The following PDZD2 variants were observed in gnomAD, a reference collection of about 807,000 sequenced individuals.
PDZD2 encodes PDZ domain containing 2.
In PDZD2, 90 loss-of-function variants were observed where a neutral mutation model predicts 220.7. That is an observed-to-expected ratio of 0.41 (90% CI 0.34 to 0.49). The LOEUF is 0.49. Among genes scored for constraint, PDZD2 ranks in the 20% least tolerant of loss-of-function variants. PDZD2 has a pLI of 0.28. For missense variants in PDZD2, 3,174 were observed against 3,608.5 expected (o/e 0.88, Z 3.08); for synonymous variants, 1,375 against 1,450.5 (o/e 0.95, Z 1.18).
intron 2 of PDZD2, among the ~76,000 whole-genome samples, chr5:31,855,519 A>C (rs1007783397): frequency 6.6e-6 from 1 of 152,222 alleles, no homozygotes; most frequent in African/African-American, 2.4e-5. Flanking sequence ...CGGCGGTTTC[A>C]GAACCTTGGG....
intron 23 of PDZD2, chr5:32,100,868 C>T (rs1416421930): frequency 1.3e-6 from 2 of 1,562,734 alleles, no homozygotes; most frequent in African/African-American, 1.3e-5. Context: ...GCAGAAAACA[C>T]AGAACAAAGG....
At chr5:32,036,698 A>G (rs919350460) in intron 6 of PDZD2, among the ~76,000 whole-genome samples, 2 of 152,242 alleles carry the variant, frequency 1.3e-5, no homozygotes, top group African/African-American at 4.8e-5. Context: ...CATAGCACAC[A>G]GAACATTTGG....
At chr5:32,061,679 G>A (rs1450406806) in intron 14 of PDZD2, among the ~76,000 whole-genome samples, 4 of 152,146 alleles carry the variant, frequency 2.6e-5, no homozygotes, top group Non-Finnish European at 5.9e-5. Flanking sequence ...TTGGGAGGCC[G>A]AAGCAGGAGG....
intron 1 of PDZD2, among the ~76,000 whole-genome samples, chr5:31,675,367 C>T (rs1237915798): frequency 6.6e-6 from 1 of 152,130 alleles, no homozygotes; most frequent in Non-Finnish European, 1.5e-5. Context: ...GCTGGCCATG[C>T]CCACCAGCAG....
At chr5:31,862,656 G>A (rs1039575127) in intron 2 of PDZD2, among the ~76,000 whole-genome samples, 15 of 151,578 alleles carry the variant, frequency 9.9e-5, no homozygotes, top group African/African-American at 3.1e-4. Flanking sequence ...TGCCTCCCAG[G>A]TTCAAGCAAT....
At chr5:31,952,141 A>G (rs1747235141) in intron 2 of PDZD2, among the ~76,000 whole-genome samples, 1 of 151,986 alleles carries the variant, frequency 6.6e-6, no homozygotes, top group Non-Finnish European at 1.5e-5. Context: ...CCAGAATTAA[A>G]CTCTTTTTAA....
intron 5 of PDZD2, among the ~76,000 whole-genome samples, chr5:32,004,356 G>A (rs959361331): frequency 2.0e-5 from 3 of 152,184 alleles, no homozygotes; most frequent in African/African-American, 7.2e-5. Flanking sequence ...GGAGGCTAAG[G>A]AGGAGGATTT....
chr5:32,029,216 C>A (rs1047808972), intron 6 of PDZD2, among the ~76,000 whole-genome samples: 1 of 151,156 alleles, frequency 6.6e-6, no homozygotes, highest in Non-Finnish European at 1.5e-5. Flanking sequence ...ATTGTCCCCA[C>A]GCCCTTAACA....
In PDZD2 at chr5:32,000,039, A is replaced by T; in HGVS notation, c.1122-100A>T. ...ACAGTATCCTCTTTAGCCCAATCTT[A>T]ACCGTCCCTCCTCACAACCCTCCCT... is the stretch of plus-strand genomic sequence containing the variant. On this transcript the variant is annotated intron_variant, in intron 4 of 24. Coordinates refer to ENST00000438447, the MANE Select transcript of PDZD2 (RefSeq NM_178140.4). This position sits in a 1 kb window ranked among gnomAD's most constrained non-coding sequence, Gnocchi z 4.5. The T allele has an allele frequency of 2.0e-6, 2 of 1,008,984 alleles. No homozygotes were observed. Among genetic ancestry groups the T allele is most frequent in the Non-Finnish European group, 3.0e-6 (2 of 666,256 alleles). 62.5% of individuals were successfully genotyped at this position (1,008,984 alleles called of 1,614,324 possible). A position where few individuals can be genotyped will look rare whatever the true frequency, so the allele number is the denominator to read the frequency against.
At chr5:31,766,424 G>C (rs1453895294) in intron 1 of PDZD2, among the ~76,000 whole-genome samples, 2 of 151,890 alleles carry the variant, frequency 1.3e-5, no homozygotes, top group African/African-American at 2.4e-5. Context: ...CTGCCGCCTA[G>C]GCTGGAGTGC....
intron 2 of PDZD2, among the ~76,000 whole-genome samples, chr5:31,973,180 A>G (rs937876038): frequency 2.0e-5 from 3 of 152,200 alleles, no homozygotes; most frequent in Non-Finnish European, 4.4e-5. Flanking sequence ...CCAAATCTTC[A>G]TGTAAGCTTA....
intron 2 of PDZD2, among the ~76,000 whole-genome samples, chr5:31,973,510 G>A (rs1749489343): frequency 6.6e-6 from 1 of 152,324 alleles, no homozygotes; most frequent in African/African-American, 2.4e-5. Flanking sequence ...TCAGCACAGA[G>A]GGATATTGCA....
chr5:31,882,514 A>T (rs1740020805), intron 2 of PDZD2, among the ~76,000 whole-genome samples: 1 of 152,172 alleles, frequency 6.6e-6, no homozygotes, highest in Non-Finnish European at 1.5e-5. Flanking sequence ...TTCCATGTGG[A>T]TTATTATCCA....
In PDZD2 at chr5:32,074,399, C is replaced by G. The variant is rs138570758; in HGVS notation, c.3293C>G (p.Pro1098Arg). 1.7e-5 allele frequency: 27 copies of G among 1,614,134 alleles called. No individual in the cohort carries two copies. The African/African-American group carries it at 3.5e-4, about 21-fold the overall frequency. Reference sequence around the variant, plus strand: ...ACAGTCCGTACAGACACCCAGAGTCCGACGAACACTGGGAGCCCCAGTTCC... The same window carrying G: ...ACAGTCCGTACAGACACCCAGAGTCGGACGAACACTGGGAGCCCCAGTTCC... ...EYTVRTDTQS[P>R]TNTGSPSSPQ... is the part of the protein sequence containing the mutation. Residue 1098 changes from proline (P) to arginine (R), a missense_variant, in exon 18 of 25, where the codon CCG becomes CGG. Physicochemically the swap from Pro to Arg is moderately radical, Grantham distance 103. Transcript: ENST00000438447.
chr5:31,954,983 G>A (rs2111643265), intron 2 of PDZD2, among the ~76,000 whole-genome samples: 1 of 152,220 alleles, frequency 6.6e-6, no homozygotes, highest in Middle Eastern at 3.4e-3. Context: ...TTTCTCTCAA[G>A]TGCCAAATTG....
chr5:31,766,902 A>G (rs990290542), intron 1 of PDZD2, among the ~76,000 whole-genome samples: 1 of 148,582 alleles, frequency 6.7e-6, no homozygotes, highest in African/African-American at 2.5e-5. Flanking sequence ...TAATTTTTAT[A>G]TTTTTAGTAG....
intron 1 of PDZD2, among the ~76,000 whole-genome samples, chr5:31,689,235 ATGTTTGTGTGTGTG>A (rs1266052965): frequency 3.6e-5 from 4 of 111,092 alleles, no homozygotes; most frequent in Non-Finnish European, 7.1e-5. Context: ...TGCCTGGCTA[ATGTTTGTGTGTGTG>A]TGTGTGTGTG....
chr5:32,072,152 C>T lies in PDZD2; in HGVS notation c.2569-9C>T. 6.3e-7 allele frequency: 1 copy of T among 1,596,660 alleles called. No homozygotes were observed. On this transcript the variant is annotated splice_polypyrimidine_tract_variant and intron_variant, in intron 16 of 24. Transcript: ENST00000438447. Reference sequence around the variant, plus strand: ...TTTCTTAGTTATCGGATGTTTTCTTCTTCAACAGGACTCCCTTATTTCTGA... The same window carrying T: ...TTTCTTAGTTATCGGATGTTTTCTTTTTCAACAGGACTCCCTTATTTCTGA...
chr5:31,856,698 TGAA>T (rs1758475521), intron 2 of PDZD2, among the ~76,000 whole-genome samples: 1 of 152,076 alleles, frequency 6.6e-6, no homozygotes, highest in Non-Finnish European at 1.5e-5. Flanking sequence ...ATGGTGTCGT[TGAA>T]GAGAATGGTG....
Sources: gnomAD v4.1 joint callset for allele counts (sites outside exome capture counted in the v4.1 genomes callset) on GRCh38, gnomAD v4.1.1 for gene constraint, Gnocchi (gnomAD v3.1) non-coding constraint, MANE v1.5 for transcripts, NCBI Gene and HGNC (gene_info 2026-07-23, HGNC 2026-07-21) for gene names.